CDC23: variants seen among roughly 807,000 people sequenced by gnomAD.
CDC23 encodes cell division cycle 23.
Under a neutral mutation model 81.7 loss-of-function variants are expected in CDC23, and 26 were observed. The ratio of observed to expected loss-of-function variants is 0.32; its 90% CI spans 0.23 to 0.44. The LOEUF (loss-of-function observed/expected upper bound fraction) is 0.44, where lower values mean the gene tolerates loss of function less well. Ranked by LOEUF, CDC23 falls within the 20% of genes least tolerant of loss-of-function variation. The probability of loss-of-function intolerance (pLI) is 1.00; values close to 1 mark genes in which losing one functional copy is unlikely to be tolerated. For synonymous variants in CDC23, 267 were observed against 270.8 expected (o/e 0.99, Z 0.14); for missense variants, 519 against 728.0 (o/e 0.71, Z 3.30).
intron 3 of CDC23, chr5:138,205,899 A>AC (rs1755042982): frequency 6.6e-6 from 1 of 152,164 alleles, no homozygotes; most frequent in Non-Finnish European, 1.5e-5. Context: ...TTTTTATTTC[A>AC]ACCAGTAAGT....
At chr5:138,195,358 T>C (rs1019539826) in intron 9 of CDC23, among the ~76,000 whole-genome samples, 4 of 150,218 alleles carry the variant, frequency 2.7e-5, no homozygotes, top group Non-Finnish European at 4.4e-5. Context: ...CTTTTACAGA[T>C]GAAGGAACTA....
chr5:138,198,680 T>G lies in CDC23; in HGVS notation c.757A>C (p.Asn253His). The change falls in exon 7 of 16, where the codon AAT (asparagine) becomes CAT (histidine). Residue 253 changes from asparagine to histidine, a missense_variant. Coordinates refer to ENST00000394886, the MANE Select transcript of CDC23 (RefSeq NM_004661.4). ...TTAGAGAAGCCCACATCAATGAGAT[T>G]CTGATACTTTTGCAGGGCCTCCTCT... ...LIEEALQKYQ[N>H]LIDVGFSKSS... 6.2e-7 allele frequency: 1 copy of G among 1,614,182 alleles called. No homozygotes were observed. Among genetic ancestry groups the G allele is most frequent in the Non-Finnish European group, 8.5e-7 (1 of 1,180,024 alleles).
chr5:138,192,480 A>G (rs749540313), intron 10 of CDC23, 24 bp downstream of exon 10: 2 of 1,613,494 alleles, frequency 1.2e-6, no homozygotes, highest in South Asian at 1.1e-5. Flanking sequence ...AATCTGCTCT[A>G]CCTCACCACC....
chr5:138,192,048 C>A, intron 11 of CDC23, 111 bp from the exon 12 acceptor site: 1 of 989,708 alleles, frequency 1.0e-6, no homozygotes, highest in Non-Finnish European at 1.6e-6. Context: ...GGTCTTTAAC[C>A]TGATGCTCCA....
chr5:138,190,269 C>T (rs1235735324), intron 13 of CDC23, among the ~76,000 whole-genome samples: 2 of 151,504 alleles, frequency 1.3e-5, no homozygotes, highest in African/African-American at 4.9e-5. Context: ...ACCAGCATGG[C>T]CAACAAGGTG....
chr5:138,189,828 C>T lies in CDC23; in HGVS notation c.1503G>A (p.Gly501=). 1 of 1,613,836 alleles carries T rather than the reference C, an allele frequency of 6.2e-7. No individual in the cohort carries two copies. The change falls in exon 14 of 16, where the codon GGG becomes GGA. Residue 501 remains glycine, a splice_region_variant and synonymous_variant. Transcript: ENST00000394886. ...ACAATTCTCATGGTATGATACATAC[C>T]CCACAGGAATAGATATCTTGGATAT... ...IKYIQDIYSC[G]EIVEHLEEST... is the part of the protein sequence containing the mutation.
chr5:138,203,212 C>T (rs1328785257), intron 3 of CDC23, among the ~76,000 whole-genome samples: 1 of 152,026 alleles, frequency 6.6e-6, no homozygotes, highest in Non-Finnish European at 1.5e-5. Context: ...GAAGTCAAAC[C>T]CACAGAATGT....
intron 9 of CDC23, among the ~76,000 whole-genome samples, chr5:138,193,372 G>A (rs1754847230): frequency 6.6e-6 from 1 of 152,116 alleles, no homozygotes; most frequent in Non-Finnish European, 1.5e-5. Flanking sequence ...AAGGTGGACA[G>A]ATCACCTGAG....
intron 8 of CDC23, 52 bp from the exon 9 acceptor site, chr5:138,198,332 T>A (rs1172339313): frequency 3.2e-6 from 5 of 1,586,310 alleles, no homozygotes; most frequent in Non-Finnish European, 4.3e-6. Flanking sequence ...CTCCCTAAAT[T>A]ATTTTTCCTG....
At chr5:138,200,653 C>T (rs1302944465) in intron 6 of CDC23, among the ~76,000 whole-genome samples, 1 of 152,018 alleles carries the variant, frequency 6.6e-6, no homozygotes, top group Admixed American at 6.6e-5. Context: ...AACCCCATCT[C>T]TACTAAAAAT....
chr5:138,198,816 T>C, intron 6 of CDC23, 34 bp from the exon 7 acceptor site: 4 of 1,581,452 alleles, frequency 2.5e-6, no homozygotes, highest in Admixed American at 3.8e-5. Context: ...ACACTTAATA[T>C]AACTTGACCT....
At chr5:138,206,826 T>A in intron 2 of CDC23, 142 bp from the exon 3 acceptor site, 2 of 424,768 alleles carry the variant, frequency 4.7e-6, no homozygotes, top group Non-Finnish European at 4.0e-6. Context: ...TGTAGATGCA[T>A]ATATATATAA....
At position 138,188,843 on chromosome 5, in the gene CDC23, G is replaced by T; in HGVS notation, c.*135C>A. 2 of 718,794 alleles carry T rather than the reference G, an allele frequency of 2.8e-6. No homozygotes were observed. The highest frequency in any genetic ancestry group is 2.5e-5 in the South Asian group (1 of 40,194). The allele number at this position is 718,794 out of a possible 1,614,324, so 44.5% of individuals were successfully genotyped here. On this transcript the variant is annotated 3_prime_UTR_variant, in exon 16 of 16. Transcript: ENST00000394886. ...TTGGCCTCTGAAGGTAATTATACAA[G>T]CTGTCCCTATGGAGCTGTTGCCATC...
intron 9 of CDC23, 80 bp downstream of exon 9, chr5:138,198,119 C>T: frequency 9.2e-7 from 1 of 1,087,586 alleles, no homozygotes; most frequent in Non-Finnish European, 1.4e-6. Flanking sequence ...ACCACCATCC[C>T]TAGCTAATTG....
chr5:138,198,570 G>C (rs757516850), intron 7 of CDC23, 35 bp downstream of exon 7: 1 of 1,612,276 alleles, frequency 6.2e-7, no homozygotes, highest in Non-Finnish European at 8.5e-7. Flanking sequence ...CACCTGTCAG[G>C]GTCTGATAGT....
intron 3 of CDC23, among the ~76,000 whole-genome samples, chr5:138,205,191 C>T (rs1196757369): frequency 2.6e-5 from 4 of 152,180 alleles, no homozygotes; most frequent in Admixed American, 6.5e-5. Context: ...TCAGCAAATG[C>T]TGGTTCTATT....
chr5:138,205,034 C>T (rs1388290020), intron 3 of CDC23, among the ~76,000 whole-genome samples: 3 of 152,016 alleles, frequency 2.0e-5, no homozygotes, highest in African/African-American at 7.3e-5. Context: ...CCTATCTCAG[C>T]CTCCCAAGTA....
At chr5:138,195,668 T>TTATATACGCATATATACA (rs1561634039) in intron 9 of CDC23, among the ~76,000 whole-genome samples, 2 of 106,042 alleles carry the variant, frequency 1.9e-5, no homozygotes, top group Non-Finnish European at 3.8e-5. Context: ...TACATATATT[T>TTATATACGCATATATACA]TATATATGCA....
At position 138,201,195 on chromosome 5, in the gene CDC23, A is replaced by G. The variant is rs775375450; in HGVS notation, c.566T>C (p.Ile189Thr). The change falls in exon 6 of 16, where the codon ATT (isoleucine) becomes ACT (threonine). Residue 189 changes from isoleucine to threonine, a missense_variant. This residue lies in a region of CDC23 where 180 missense variants were observed against 239.3 expected (regional missense o/e 0.75). Transcript: ENST00000394886. ...LRKLDLVKEAIDVFVEATHVL... is the reference protein window; with the variant it reads ...LRKLDLVKEATDVFVEATHVL... ...ATGAGTAGCTTCCACAAACACATCAATGGCCTCTTTAACCAAGTCCAGTTT... is the reference window on the plus strand; with the variant it reads ...ATGAGTAGCTTCCACAAACACATCAGTGGCCTCTTTAACCAAGTCCAGTTT... The G allele has an allele frequency of 5.0e-6, 8 of 1,614,086 alleles. No individual in the cohort carries two copies. Among genetic ancestry groups the G allele is most frequent in the Non-Finnish European group, 6.8e-6 (8 of 1,180,050 alleles).
Sources: gnomAD v4.1 joint callset for allele counts (sites outside exome capture counted in the v4.1 genomes callset) on GRCh38, gnomAD v4.1.1 for gene constraint, gnomAD v4.1.1 regional missense constraint, MANE v1.5 for transcripts, NCBI Gene and HGNC (gene_info 2026-07-23, HGNC 2026-07-21) for gene names.